The following LRCH1 variants were observed in gnomAD, a reference collection of about 807,000 sequenced individuals.
LRCH1 encodes the protein leucine rich repeats and calponin homology domain containing 1.
A neutral mutation model predicts 94.9 loss-of-function variants in LRCH1; 23 were observed. The observed-to-expected ratio is 0.24, with a 90% CI of 0.17 to 0.34. The LOEUF (loss-of-function observed/expected upper bound fraction) is 0.34. Among genes scored for constraint, LRCH1 ranks in the 10% least tolerant of loss-of-function variants. LRCH1 has a pLI of 1.00. For synonymous variants in LRCH1, 364 were observed against 354.9 expected, an observed-to-expected ratio of 1.03 and a Z score of -0.29; for missense variants, 790 against 945.9, an observed-to-expected ratio of 0.84 and a Z score of 2.16.
chr13:46,657,011 AG>A (rs1437036376), intron 2 of LRCH1, among the ~76,000 whole-genome samples: 1 of 152,156 alleles, frequency 6.6e-6, no homozygotes, highest in Non-Finnish European at 1.5e-5. Context: ...GAGACACAAA[AG>A]GGATATTATG....
chr13:46,617,557 C>G (rs570833307), intron 1 of LRCH1, among the ~76,000 whole-genome samples: 4 of 152,224 alleles, frequency 2.6e-5, no homozygotes, highest in Non-Finnish European at 5.9e-5. Flanking sequence ...TAACCATGAA[C>G]AAGGTTCTCG....
At chr13:46,712,891 A>C (rs553053454) in intron 15 of LRCH1, among the ~76,000 whole-genome samples, 2 of 152,276 alleles carry the variant, frequency 1.3e-5, no homozygotes, top group South Asian at 4.1e-4. Context: ...TTACCTAAGG[A>C]AGATAAAATA....
At chr13:46,654,180 A>G (rs1314808109) in intron 2 of LRCH1, among the ~76,000 whole-genome samples, 1 of 152,180 alleles carries the variant, frequency 6.6e-6, no homozygotes, top group Non-Finnish European at 1.5e-5. Context: ...TCCACATGAT[A>G]GTGTTGTCTG....
chr13:46,659,090 C>T (rs932595359), intron 2 of LRCH1, among the ~76,000 whole-genome samples: 1 of 152,146 alleles, frequency 6.6e-6, no homozygotes, highest in African/African-American at 2.4e-5. Flanking sequence ...GTACATTAGA[C>T]AAGGCACCTG....
intron 19 of LRCH1, among the ~76,000 whole-genome samples, chr13:46,739,063 T>A (rs1873526752): frequency 6.6e-6 from 1 of 152,236 alleles, no homozygotes; most frequent in Non-Finnish European, 1.5e-5. Context: ...ACTTTTTATA[T>A]TAAGATTATA....
rs142010340 is a variant in LRCH1 at position 46,715,937 on chromosome 13, GGTTT to G, written c.1759+279_1759+282del. Among the ~76,000 whole-genome samples, 1,364 of 151,676 alleles carry G rather than the reference GGTTT, an allele frequency of 9.0e-3. 13 individuals carry two copies. The highest frequency in any genetic ancestry group is 0.031 in the African/African-American group (1,270 of 41,342). On this transcript the variant is annotated intron_variant, in intron 16 of 19. Coordinates refer to ENST00000389797, the MANE Select transcript of LRCH1 (RefSeq NM_001164211.2). ...CTCCCCTTTTCTGCTTGGGTTTTTTGGTTTGTTTGCTTGTTTACAAATATTTGGG... is the reference window on the plus strand; with the variant it reads ...CTCCCCTTTTCTGCTTGGGTTTTTTGGTTTGCTTGTTTACAAATATTTGGG...
intron 1 of LRCH1, among the ~76,000 whole-genome samples, chr13:46,627,889 C>T (rs2050969850): frequency 6.6e-6 from 1 of 152,120 alleles, no homozygotes; most frequent in African/African-American, 2.4e-5. Context: ...CCTGTATTAC[C>T]ATTACAGGTG....
chr13:46,571,329 G>A (rs2050238506), intron 1 of LRCH1, among the ~76,000 whole-genome samples: 1 of 152,178 alleles, frequency 6.6e-6, no homozygotes, highest in African/African-American at 2.4e-5. Context: ...TGTTTCCATT[G>A]AGTGTGCTGT....
At chr13:46,719,071 A>G (rs1199871475) in intron 16 of LRCH1, among the ~76,000 whole-genome samples, 1 of 32,776 alleles carries the variant, frequency 3.1e-5, no homozygotes, top group Non-Finnish European at 8.4e-5. Flanking sequence ...ATTATGTGCT[A>G]CACATGATGC....
chr13:46,627,739 C>T (rs1570620), intron 1 of LRCH1, among the ~76,000 whole-genome samples: 125,836 of 152,140 alleles, frequency 0.83, 52,441 homozygotes, highest in African/African-American at 0.92. Context: ...TGGTTGTTGG[C>T]CACTTAAAAC....
chr13:46,639,520 T>G (rs931122873), intron 1 of LRCH1, among the ~76,000 whole-genome samples: 4 of 152,198 alleles, frequency 2.6e-5, no homozygotes, highest in African/African-American at 9.7e-5. Flanking sequence ...TTTGTTACAC[T>G]TCAAATAATC....
At chr13:46,591,849 A>G (rs1040867010) in intron 1 of LRCH1, among the ~76,000 whole-genome samples, 3 of 152,200 alleles carry the variant, frequency 2.0e-5, no homozygotes, top group Admixed American at 6.5e-5. Context: ...TTATTTTTCA[A>G]TTCAATTCAT....
intron 11 of LRCH1, among the ~76,000 whole-genome samples, chr13:46,703,363 C>T (rs866279289): frequency 2.0e-5 from 3 of 152,302 alleles, no homozygotes; most frequent in South Asian, 2.1e-4. Flanking sequence ...CCCATTTCTT[C>T]ATCTATAAGA....
At position 46,678,183 on chromosome 13, in the gene LRCH1, A is replaced by G. The variant is rs117309055; in HGVS notation, c.580-3558A>G. The stretch of plus-strand genomic sequence containing the variant: ...ACCTTATCTTAGGCTGAATTTGAAC[A>G]AAAGTGTTCTAGAGAACAAGGCCAT... On this transcript the variant is annotated intron_variant, in intron 3 of 19. Coordinates refer to ENST00000389797, the MANE Select transcript of LRCH1 (RefSeq NM_001164211.2). Among the ~76,000 whole-genome samples the G allele has an allele frequency of 8.4e-3, 1,281 of 152,326 alleles. 34 individuals carry two copies. The highest frequency in any genetic ancestry group is 0.072 in the East Asian group (371 of 5,186).
chr13:46,588,687 G>A (rs957683081), intron 1 of LRCH1, among the ~76,000 whole-genome samples: 1 of 136,950 alleles, frequency 7.3e-6, no homozygotes, highest in Admixed American at 7.9e-5. Context: ...TGCAACCCCC[G>A]CCTCTCGGGT....
In LRCH1 at chr13:46,699,314, A is replaced by G. The variant is rs545775769; in HGVS notation, c.1246-22A>G. On this transcript the variant is annotated intron_variant, in intron 9 of 19. Transcript: ENST00000389797. Reference sequence around the variant, plus strand: ...ACTGAGTAGCCAATGGTTTTCAGGAACCCTGTGTGTTTTGTCCACAGGCAA... The same window carrying G: ...ACTGAGTAGCCAATGGTTTTCAGGAGCCCTGTGTGTTTTGTCCACAGGCAA... The G allele has an allele frequency of 2.1e-5, 33 of 1,603,236 alleles. 1 individual carries two copies. The South Asian group carries it at 3.6e-4, about 18-fold the overall frequency.
chr13:46,632,270 T>C (rs1436246688), intron 1 of LRCH1, among the ~76,000 whole-genome samples: 1 of 151,954 alleles, frequency 6.6e-6, no homozygotes, highest in African/African-American at 2.4e-5. Flanking sequence ...ACAAAATAAG[T>C]GCTTAATAAT....
intron 1 of LRCH1, among the ~76,000 whole-genome samples, chr13:46,557,805 G>A (rs761860175): frequency 4.1e-4 from 63 of 152,112 alleles, no homozygotes; most frequent in Non-Finnish European, 7.5e-4. Flanking sequence ...GTTGCAGTGA[G>A]CTGAGGTCGC....
At chr13:46,627,627 A>G (rs915446723) in intron 1 of LRCH1, among the ~76,000 whole-genome samples, 2 of 151,948 alleles carry the variant, frequency 1.3e-5, no homozygotes, top group Non-Finnish European at 2.9e-5. Flanking sequence ...CACCTACCTT[A>G]GTGCATGCAC....
Sources: allele counts gnomAD v4.1 joint callset (sites outside exome capture counted in the v4.1 genomes callset), GRCh38; gene constraint gnomAD v4.1.1; transcripts MANE v1.5; gene names NCBI Gene and HGNC (gene_info 2026-07-23, HGNC 2026-07-21).